TMEM200B: variants seen among roughly 807,000 people sequenced by gnomAD.
The protein encoded by TMEM200B is transmembrane protein TTMA.
In TMEM200B, 12 loss-of-function variants were observed where a neutral mutation model predicts 17.6. That is an observed-to-expected ratio of 0.68 (90% confidence interval 0.44 to 1.11). The LOEUF (loss-of-function observed/expected upper bound fraction) is 1.11. Ranked by LOEUF, TMEM200B falls within the 50% of genes least tolerant of loss-of-function variation. The pLI, the probability that TMEM200B is intolerant of heterozygous loss-of-function variation, is 0.00. For synonymous variants in TMEM200B, 234 were observed against 209.2 expected (o/e 1.12, Z -1.02); for missense variants, 456 against 447.6 (o/e 1.02, Z -0.17).
Position 29,121,811 on chromosome 1 carries a change from G to C in TMEM200B, c.18C>G (p.Pro6=). The C allele has an allele frequency of 3.1e-6, 4 of 1,284,192 alleles. No individual in the cohort carries two copies. Among genetic ancestry groups the C allele is most frequent in the Non-Finnish European group, 2.0e-6 (2 of 1,015,772 alleles). The allele number at this position is 1,284,192 out of a possible 1,614,324, so 79.5% of individuals were successfully genotyped here. Reference sequence around the variant, plus strand: ...TCCTCCGCACCTCCCCGCATTCTTCGGGGCTCCCGGCCGTCATCTCGCCGT... The same window carrying C: ...TCCTCCGCACCTCCCCGCATTCTTCCGGGCTCCCGGCCGTCATCTCGCCGT... MTAGS[P]EECGEVRRSP... is the part of the protein sequence containing the mutation. Residue 6 remains proline, a synonymous_variant, in exon 2 of 2, where the codon CCC becomes CCG. Transcript: ENST00000521452. This position sits in a 1 kb window ranked among gnomAD's most constrained non-coding sequence, Gnocchi z 5.6.
Position 29,120,041 on chromosome 1 carries a change from A to T in TMEM200B, c.*864T>A, listed in dbSNP as rs1671657865. On this transcript the variant is annotated 3_prime_UTR_variant, in exon 2 of 2. Coordinates refer to ENST00000521452, the MANE Select transcript of TMEM200B (RefSeq NM_001003682.4). ...TTTTCAATAAACAACAACAAAAAGAACTCTCTCTGTGAGGATTGATCCACT... is the reference window on the plus strand; with the variant it reads ...TTTTCAATAAACAACAACAAAAAGATCTCTCTCTGTGAGGATTGATCCACT... 1 of 152,388 alleles carries T rather than the reference A, an allele frequency of 6.6e-6. No individual in the cohort carries two copies. The highest frequency in any genetic ancestry group is 1.5e-5 in the Non-Finnish European group (1 of 67,990). 9.4% of individuals were successfully genotyped at this position (152,388 alleles called of 1,614,324 possible).
At chr1:29,123,285 C>T (rs1270663121) in intron 1 of TMEM200B, among the ~76,000 whole-genome samples, 1 of 152,180 alleles carries the variant, frequency 6.6e-6, no homozygotes, top group African/African-American at 2.4e-5. Flanking sequence ...GGGGAGACTG[C>T]CCGACCCCGC....
At position 29,121,737 on chromosome 1, in the gene TMEM200B, C is replaced by G. The variant is rs1348687751; in HGVS notation, c.92G>C (p.Arg31Pro). 2.5e-6 allele frequency: 3 copies of G among 1,207,524 alleles called. No homozygotes were observed. Among genetic ancestry groups the G allele is most frequent in the Non-Finnish European group, 3.1e-6 (3 of 972,818 alleles). 74.8% of individuals were successfully genotyped at this position (1,207,524 alleles called of 1,614,324 possible). Reference sequence around the variant, plus strand: ...AGGCTCGGGCGGGGAGCGCGGGCGCCGGCGGCGGCCCAGGCGGCGGCCCAA... The same window carrying G: ...AGGCTCGGGCGGGGAGCGCGGGCGCGGGCGGCGGCCCAGGCGGCGGCCCAA... ...SRLGRRLGRRRRPRSPPEPLR... is the reference protein window; with the variant it reads ...SRLGRRLGRRPRPRSPPEPLR... The change falls in exon 2 of 2, where the codon CGG (arginine) becomes CCG (proline). Residue 31 changes from arginine (R) to proline (P), a missense_variant. Physicochemically the swap from Arg to Pro is moderately radical, Grantham distance 103. Coordinates refer to ENST00000521452, the MANE Select transcript of TMEM200B (RefSeq NM_001003682.4). The surrounding 1 kb of genome is among the most constrained non-coding windows in gnomAD (Gnocchi z 5.6).
In TMEM200B at chr1:29,119,756, GGTT is replaced by G. The variant is rs1437798378; in HGVS notation, c.*1146_*1148del. 6.6e-6 allele frequency: 1 copy of G among 152,630 alleles called. No individual in the cohort carries two copies. The highest frequency in any genetic ancestry group is 1.5e-5 in the Non-Finnish European group (1 of 68,050). The allele number at this position is 152,630 out of a possible 1,614,324, so 9.5% of individuals were successfully genotyped here. A position where few individuals can be genotyped will look rare whatever the true frequency, so the allele number is the denominator to read the frequency against. ...CTGCCCAGGATCTCAGCCCCAGGCT[GGTT>G]GTTTCTACAAATCTCTCTCAAATGT... On this transcript the variant is annotated 3_prime_UTR_variant, in exon 2 of 2. Transcript: ENST00000521452.
At chr1:29,122,219 C>G (rs1030925244) in intron 1 of TMEM200B, 4 of 153,388 alleles carry the variant, frequency 2.6e-5, no homozygotes, top group African/African-American at 9.6e-5. Context: ...CCAGCTGCCG[C>G]GTCTCCAGGG....
chr1:29,120,812 C>A lies in TMEM200B; in HGVS notation c.*93G>T. ...CATCCATCCCCAGCCTGGGATGTGA[C>A]TGAAACATCTATTAGACGTTGGGAC... is the stretch of plus-strand genomic sequence containing the variant. On this transcript the variant is annotated 3_prime_UTR_variant, in exon 2 of 2. Transcript: ENST00000521452. The A allele has an allele frequency of 7.1e-7, 1 of 1,411,634 alleles. No homozygotes were observed. Among genetic ancestry groups the A allele is most frequent in the Non-Finnish European group, 9.4e-7 (1 of 1,062,052 alleles). 87.4% of individuals were successfully genotyped at this position (1,411,634 alleles called of 1,614,324 possible). A position where few individuals can be genotyped will look rare whatever the true frequency, so the allele number is the denominator to read the frequency against.
At chr1:29,122,171 A>G (rs1227354117) in intron 1 of TMEM200B, among the ~76,000 whole-genome samples, 2 of 152,058 alleles carry the variant, frequency 1.3e-5, no homozygotes, top group East Asian at 3.9e-4. Flanking sequence ...TCCGGTCCGC[A>G]AGCCCGCGGG....
At position 29,121,050 on chromosome 1, in the gene TMEM200B, G is replaced by GACTTGGAATGTTCAATGCAGGA. The variant is rs1558374055; in HGVS notation, c.757_778dup (p.Ser260PhefsTer4). On this transcript the variant is annotated stop_gained and frameshift_variant, in exon 2 of 2. Transcript: ENST00000521452. LOFTEE classifies it high-confidence loss of function. This position sits in a 1 kb window ranked among gnomAD's most constrained non-coding sequence, Gnocchi z 5.6. The stretch of plus-strand genomic sequence containing the variant: ...GAGCTCCCCAAGGCCCAGATCCAGA[G>GACTTGGAATGTTCAATGCAGGA]ACTTGGAATGTTCAATGCAGGAGCC... 1.2e-6 allele frequency: 2 copies of GACTTGGAATGTTCAATGCAGGA among 1,613,820 alleles called. No individual in the cohort carries two copies. Among genetic ancestry groups the GACTTGGAATGTTCAATGCAGGA allele is most frequent in the South Asian group, 2.2e-5 (2 of 91,082 alleles).
In TMEM200B at chr1:29,120,951, C is replaced by A. The variant is rs763361864; in HGVS notation, c.878G>T (p.Gly293Val). 12 of 1,612,238 alleles carry A rather than the reference C, an allele frequency of 7.4e-6. No individual in the cohort carries two copies. The highest frequency in any genetic ancestry group is 1.0e-5 in the Non-Finnish European group (12 of 1,179,188). The change falls in exon 2 of 2, where the codon GGC becomes GTC. Residue 293 changes from glycine to valine, a missense_variant. Coordinates refer to ENST00000521452, the MANE Select transcript of TMEM200B (RefSeq NM_001003682.4). The stretch of plus-strand genomic sequence containing the variant: ...CCCTCCTCCTCCCAATTTGGCATAG[C>A]CCCCAAGACTGAGGCGGTCCAGCCG... ...WPRLDRLSLG[G>V]YAKLGGGGDL...
intron 1 of TMEM200B, among the ~76,000 whole-genome samples, chr1:29,123,327 G>A (rs890576759): frequency 1.3e-5 from 2 of 152,182 alleles, no homozygotes; most frequent in African/African-American, 4.8e-5. Context: ...GTCCGACGCC[G>A]GGCTCCGGGG....
rs1351790276 is a variant in TMEM200B, at chr1:29,121,026, A to T, written c.803T>A (p.Leu268His). ...CCGAGCTGCTGGGGCCCCAAGGAGG[A>T]GCTCCCCAAGGCCCAGATCCAGAGA... ...SKSLDLGLGE[L>H]LLGAPAARDC... Residue 268 changes from leucine (L) to histidine (H), a missense_variant, in exon 2 of 2, where the codon CTC becomes CAC. By Grantham distance (99) the Leu-to-His change is moderately conservative (BLOSUM62 -3). Transcript: ENST00000521452. This position sits in a 1 kb window ranked among gnomAD's most constrained non-coding sequence, Gnocchi z 5.6. 6.2e-7 allele frequency: 1 copy of T among 1,613,438 alleles called. No homozygotes were observed. Among genetic ancestry groups the T allele is most frequent in the Non-Finnish European group, 8.5e-7 (1 of 1,180,008 alleles).
At position 29,120,716 on chromosome 1, in the gene TMEM200B, G is replaced by C. The variant is rs949145413; in HGVS notation, c.*189C>G. ...AAACGCACCCTCTCCAGCTCACTGA[G>C]CCCTGGTGCAGCTGGCATTTCTCTG... On this transcript the variant is annotated 3_prime_UTR_variant, in exon 2 of 2. Coordinates refer to ENST00000521452, the MANE Select transcript of TMEM200B (RefSeq NM_001003682.4). 21 of 713,656 alleles carry C rather than the reference G, an allele frequency of 2.9e-5. No homozygotes were observed. The African/African-American group carries it at 3.7e-4, about 13-fold the overall frequency. 44.2% of individuals were successfully genotyped at this position (713,656 alleles called of 1,614,324 possible).
chr1:29,123,636 T>G (rs1671893774), intron 1 of TMEM200B, among the ~76,000 whole-genome samples: 1 of 151,900 alleles, frequency 6.6e-6, no homozygotes, highest in African/African-American at 2.4e-5. Context: ...AGGCGGAAAC[T>G]TGGGGACACA....
At chr1:29,123,318 T>A (rs903335018) in intron 1 of TMEM200B, among the ~76,000 whole-genome samples, 1 of 152,108 alleles carries the variant, frequency 6.6e-6, no homozygotes, top group Non-Finnish European at 1.5e-5. Context: ...CTCTGCCAGG[T>A]CCGACGCCGG....
chr1:29,121,372 G>C lies in TMEM200B; in HGVS notation c.457C>G (p.Arg153Gly), dbSNP rs755452310. The change falls in exon 2 of 2, where the codon CGG (arginine) becomes GGG (glycine). Residue 153 changes from arginine (R) to glycine (G), a missense_variant. By Grantham distance (125) the Arg-to-Gly change is moderately radical (BLOSUM62 -2). Coordinates refer to ENST00000521452, the MANE Select transcript of TMEM200B (RefSeq NM_001003682.4). This position sits in a 1 kb window ranked among gnomAD's most constrained non-coding sequence, Gnocchi z 5.6. ...ETRRLRQGVLRAQALRPPDGP... is the reference protein window; with the variant it reads ...ETRRLRQGVLGAQALRPPDGP... ...TCGGGGGGCCGGAGCGCCTGGGCCC[G>C]CAGCACCCCCTGGCGGAGCCGTCGC... 6 of 1,551,842 alleles carry C rather than the reference G, an allele frequency of 3.9e-6. No homozygotes were observed. In the African/African-American group the frequency reaches 8.2e-5, roughly 21 times the overall value.
chr1:29,120,605 G>A lies in TMEM200B; in HGVS notation c.*300C>T, dbSNP rs1162471306. The A allele has an allele frequency of 2.5e-6, 1 of 403,924 alleles. No homozygotes were observed. Among genetic ancestry groups the A allele is most frequent in the Non-Finnish European group, 4.4e-6 (1 of 225,058 alleles). 25.0% of individuals were successfully genotyped at this position (403,924 alleles called of 1,614,324 possible). A position where few individuals can be genotyped will look rare whatever the true frequency, so the allele number is the denominator to read the frequency against. ...ACTGGGTACATCTCCCAGTCACCCT[G>A]GCCTGGACCTCCAGCCCTGTTAGGG... is the stretch of plus-strand genomic sequence containing the variant. On this transcript the variant is annotated 3_prime_UTR_variant, in exon 2 of 2. Transcript: ENST00000521452.
In TMEM200B at chr1:29,123,900, G is replaced by T. The variant is rs1212665365; in HGVS notation, c.-65C>A. The stretch of plus-strand genomic sequence containing the variant: ...CGGGTCCGGGTCCCAGTCCGCGCGC[G>T]GAGGCTCCAGAGCCGCCCGGGTCTC... On this transcript the variant is annotated 5_prime_UTR_variant, in exon 1 of 2. Coordinates refer to ENST00000521452, the MANE Select transcript of TMEM200B (RefSeq NM_001003682.4). 6.6e-6 allele frequency: 1 copy of T among 152,038 alleles called. No homozygotes were observed. The highest frequency in any genetic ancestry group is 1.5e-5 in the Non-Finnish European group (1 of 67,858). The allele number at this position is 152,038 out of a possible 1,614,324, so 9.4% of individuals were successfully genotyped here.
Position 29,123,510 on chromosome 1 carries a change from G to A in TMEM200B, c.-21+346C>T, listed in dbSNP as rs941382037. Among the ~76,000 whole-genome samples the A allele has an allele frequency of 4.9e-4, 75 of 152,250 alleles. 1 individual carries two copies. The highest frequency in any genetic ancestry group is 9.7e-4 in the Non-Finnish European group (66 of 68,008). On this transcript the variant is annotated intron_variant, in intron 1 of 1. Coordinates refer to ENST00000521452, the MANE Select transcript of TMEM200B (RefSeq NM_001003682.4). ...AGCCCCGGCTCCAGCAAGGTCACCC[G>A]GAGCCCCGCGCGTCGCTGCCGCGAG...
intron 1 of TMEM200B, among the ~76,000 whole-genome samples, chr1:29,122,855 A>C (rs75209067): frequency 0.014 from 2,141 of 152,314 alleles, 49 homozygotes; most frequent in African/African-American, 0.045. Flanking sequence ...GCACAGCTTA[A>C]GCCCTCCCGA....
Sources: gnomAD v4.1 joint callset for allele counts (sites outside exome capture counted in the v4.1 genomes callset) on GRCh38, gnomAD v4.1.1 for gene constraint, Gnocchi (gnomAD v3.1) non-coding constraint, MANE v1.5 for transcripts, NCBI Gene and HGNC (gene_info 2026-07-23, HGNC 2026-07-21) for gene names.